ADAMTSL1: variants seen among roughly 807,000 people sequenced by gnomAD.
ADAMTSL1 encodes the protein ADAMTS-like protein 1.
In ADAMTSL1, 126 loss-of-function variants were observed where a neutral mutation model predicts 201.8. The ratio of observed to expected loss-of-function variants is 0.62; its 90% CI spans 0.54 to 0.72. The LOEUF is 0.72. ADAMTSL1 is among the 30% of genes least tolerant of loss of function. The pLI, the probability that ADAMTSL1 is intolerant of heterozygous loss-of-function variation, is 0.00. For synonymous variants in ADAMTSL1, 1,121 were observed against 903.4 expected (o/e 1.24, Z -4.32); for missense variants, 2,679 against 2,277.8 (o/e 1.18, Z -3.59).
At chr9:17,951,054 A>G (rs905478007) in intron 1 of ADAMTSL1, among the ~76,000 whole-genome samples, 12 of 152,150 alleles carry the variant, frequency 7.9e-5, no homozygotes, top group Non-Finnish European at 1.2e-4. Flanking sequence ...CTAAAAGAGA[A>G]GGTGAAAGCA....
At chr9:18,375,893 G>T (rs189315863) in intron 2 of ADAMTSL1, among the ~76,000 whole-genome samples, 1 of 152,230 alleles carries the variant, frequency 6.6e-6, no homozygotes, top group African/African-American at 2.4e-5. Flanking sequence ...CCTCTAGCTA[G>T]CCACAGAGTG....
intron 19 of ADAMTSL1, among the ~76,000 whole-genome samples, chr9:18,794,802 T>A (rs72690574): frequency 0.014 from 2,078 of 151,902 alleles, 29 homozygotes; most frequent in Non-Finnish European, 0.018. Flanking sequence ...CCCAGATAAT[T>A]TTATTATTTT....
intron 1 of ADAMTSL1, among the ~76,000 whole-genome samples, chr9:18,012,682 G>A (rs1820100543): frequency 6.6e-6 from 1 of 152,060 alleles, no homozygotes; most frequent in African/African-American, 2.4e-5. Flanking sequence ...TTAGGAAGGA[G>A]GATGTGAGGT....
intron 23 of ADAMTSL1, among the ~76,000 whole-genome samples, chr9:18,870,547 G>T (rs1827822792): frequency 6.6e-6 from 1 of 152,004 alleles, no homozygotes; most frequent in Non-Finnish European, 1.5e-5. Flanking sequence ...CATCGCCTTT[G>T]TTGCTCTTCT....
chr9:18,073,607 G>T (rs1342988291), intron 1 of ADAMTSL1, among the ~76,000 whole-genome samples: 1 of 152,082 alleles, frequency 6.6e-6, no homozygotes, highest in South Asian at 2.1e-4. Flanking sequence ...AGTCTTTCTT[G>T]GGTGAAAATA....
At chr9:18,259,405 G>C (rs1035780528) in intron 2 of ADAMTSL1, among the ~76,000 whole-genome samples, 1 of 151,782 alleles carries the variant, frequency 6.6e-6, no homozygotes, top group Non-Finnish European at 1.5e-5. Flanking sequence ...CATGCCTGTA[G>C]TCCCAGCTAC....
chr9:18,108,630 A>G (rs1824867257), intron 1 of ADAMTSL1, among the ~76,000 whole-genome samples: 1 of 152,158 alleles, frequency 6.6e-6, no homozygotes, highest in South Asian at 2.1e-4. Flanking sequence ...TTTATTTAAA[A>G]AATACTGCAT....
intron 2 of ADAMTSL1, among the ~76,000 whole-genome samples, chr9:18,425,104 T>C (rs904373298): frequency 2.6e-5 from 4 of 152,058 alleles, no homozygotes; most frequent in Non-Finnish European, 5.9e-5. Context: ...ATTTATCTGC[T>C]TTGCAATTTT....
At chr9:18,907,389 A>G (rs551654758) in intron 28 of ADAMTSL1, 1 of 156,384 alleles carries the variant, frequency 6.4e-6, no homozygotes, top group Non-Finnish European at 1.3e-5. Flanking sequence ...TCCCAACCCC[A>G]CAGGCATCCC....
intron 19 of ADAMTSL1, 102 bp downstream of exon 19, chr9:18,778,008 G>A: frequency 2.8e-6 from 4 of 1,443,748 alleles, no homozygotes; most frequent in Non-Finnish European, 3.7e-6. Flanking sequence ...CAGGGGTAGG[G>A]CTTAGAGCTG....
chr9:18,217,198 G>T (rs1311137581), intron 2 of ADAMTSL1, among the ~76,000 whole-genome samples: 2 of 152,140 alleles, frequency 1.3e-5, no homozygotes, highest in African/African-American at 2.4e-5. Context: ...TAGGCCCTGG[G>T]TTCCACAGAA....
In ADAMTSL1 at chr9:18,249,167, G is replaced by A. The variant is rs114922901; in HGVS notation, c.207+85186G>A. 1.0e-3 allele frequency among the ~76,000 whole-genome samples: 153 copies of A among 152,242 alleles called. No individual in the cohort carries two copies. The East Asian group carries it at 0.013, about 13-fold the overall frequency. ...AGGAAGCCATGTAAGCAGTTGTTTCGTTAATCCCAAATAAGGAATAGCAAG... is the reference window on the plus strand; with the variant it reads ...AGGAAGCCATGTAAGCAGTTGTTTCATTAATCCCAAATAAGGAATAGCAAG... On this transcript the variant is annotated intron_variant, in intron 2 of 29. Coordinates refer to the ADAMTSL1 transcript ENST00000680146.
chr9:18,811,619 C>T (rs1015409053), intron 20 of ADAMTSL1, among the ~76,000 whole-genome samples: 1 of 152,172 alleles, frequency 6.6e-6, no homozygotes, highest in African/African-American at 2.4e-5. Context: ...TTATAGAAAG[C>T]AGCTAAAACA....
chr9:18,572,476 A>G (rs1459001058), intron 3 of ADAMTSL1, among the ~76,000 whole-genome samples: 1 of 152,188 alleles, frequency 6.6e-6, no homozygotes. Context: ...GTGCCTGTGT[A>G]TCTGTACCTA....
chr9:18,269,379 T>G (rs149716110), intron 2 of ADAMTSL1, among the ~76,000 whole-genome samples: 1 of 152,178 alleles, frequency 6.6e-6, no homozygotes, highest in African/African-American at 2.4e-5. Context: ...CCCATCTGCA[T>G]GGATTTCTTG....
intron 14 of ADAMTSL1, chr9:18,717,979 C>A: frequency 6.3e-7 from 1 of 1,577,870 alleles, no homozygotes; most frequent in African/African-American, 1.3e-5. Context: ...TACATTAAAG[C>A]AGCTGACATG....
intron 3 of ADAMTSL1, among the ~76,000 whole-genome samples, chr9:18,558,223 T>C (rs1045426304): frequency 3.3e-5 from 5 of 152,164 alleles, no homozygotes; most frequent in African/African-American, 9.7e-5. Flanking sequence ...TGTGTTCTCA[T>C]TGTTCAACTC....
At chr9:18,463,465 G>A (rs1191454015) in intron 2 of ADAMTSL1, among the ~76,000 whole-genome samples, 2 of 152,186 alleles carry the variant, frequency 1.3e-5, no homozygotes, top group East Asian at 3.9e-4. Flanking sequence ...TTATTGTGCA[G>A]CCATCATCTC....
intron 1 of ADAMTSL1, among the ~76,000 whole-genome samples, chr9:18,498,126 C>G (rs1339386324): frequency 1.3e-5 from 2 of 151,234 alleles, no homozygotes; most frequent in Non-Finnish European, 1.5e-5. Context: ...AAATATGAAG[C>G]TAGGCAGAAA....
Sources: gnomAD v4.1 joint callset for allele counts (sites outside exome capture counted in the v4.1 genomes callset) on GRCh38, gnomAD v4.1.1 for gene constraint, MANE v1.5 for transcripts, NCBI Gene and HGNC (gene_info 2026-07-23, HGNC 2026-07-21) for gene names.